The following C7orf33 variants were observed in gnomAD, a reference collection of about 807,000 sequenced individuals.
C7orf33 encodes the protein uncharacterized protein C7orf33.
Under a neutral mutation model 13.4 loss-of-function variants are expected in C7orf33, and 15 were observed. The observed-to-expected ratio is 1.12, with a 90% CI of 0.75 to 1.72. The LOEUF (loss-of-function observed/expected upper bound fraction) is 1.72, where lower values mean the gene tolerates loss of function less well. Ranked by LOEUF, C7orf33 falls within the 40% of genes most tolerant of loss-of-function variation. The probability of loss-of-function intolerance (pLI) is 0.00; values close to 1 mark genes in which losing one functional copy is unlikely to be tolerated. For missense variants in C7orf33, 187 were observed against 220.3 expected (o/e 0.85, Z 0.96); for synonymous variants, 73 against 83.2 (o/e 0.88, Z 0.67).
intron 1 of C7orf33, among the ~76,000 whole-genome samples, chr7:148,594,032 T>C (rs1395625166): frequency 6.6e-6 from 1 of 151,918 alleles, no homozygotes; most frequent in Admixed American, 6.6e-5. Flanking sequence ...TTTCTTGCTC[T>C]CACTTTTGCT....
intron 1 of C7orf33, among the ~76,000 whole-genome samples, chr7:148,601,135 A>G (rs1253525569): frequency 6.6e-6 from 1 of 151,952 alleles, no homozygotes; most frequent in African/African-American, 2.4e-5. Context: ...CTTTGAGTTC[A>G]TTTGATTTAA....
chr7:148,606,334 A>G lies in C7orf33; in HGVS notation c.205-7708A>G, dbSNP rs542657478. On this transcript the variant is annotated intron_variant, in intron 1 of 2. Transcript: ENST00000307003. ...AAAATCTAGACCACTGTTTCTCAAC[A>G]TTAGAATTTATCAAAATCTGGGATA... is the stretch of plus-strand genomic sequence containing the variant. 2.6e-5 allele frequency among the ~76,000 whole-genome samples: 4 copies of G among 152,346 alleles called. No individual in the cohort carries two copies. In the South Asian group the frequency reaches 6.2e-4, roughly 24 times the overall value.
chr7:148,608,286 TG>T (rs1231924586), intron 1 of C7orf33, among the ~76,000 whole-genome samples: 1 of 150,654 alleles, frequency 6.6e-6, no homozygotes, highest in African/African-American at 2.4e-5. Context: ...AAATATTAGC[TG>T]GGCATGGTGG....
intron 1 of C7orf33, among the ~76,000 whole-genome samples, chr7:148,591,621 C>T (rs1796272767): frequency 6.6e-6 from 1 of 152,110 alleles, no homozygotes; most frequent in Non-Finnish European, 1.5e-5. Flanking sequence ...TGCTCTGTCA[C>T]CCAGGCTGGA....
At chr7:148,591,305 C>T (rs1359041258) in intron 1 of C7orf33, among the ~76,000 whole-genome samples, 176 bp downstream of exon 1, 1 of 152,130 alleles carries the variant, frequency 6.6e-6, no homozygotes, top group Non-Finnish European at 1.5e-5. Context: ...CCAAAGAAGG[C>T]CTGGAATCTT....
In C7orf33 at chr7:148,590,773, G is replaced by A; in HGVS notation, c.-153G>A. ...CTACTCAGCTGTGACCTTACTTATG[G>A]TGATGCCAATCCAGTGGTCAGGAGC... On this transcript the variant is annotated 5_prime_UTR_variant, in exon 1 of 3. In the 5' UTR this introduces an upstream ATG that the reference lacks. Coordinates refer to ENST00000307003, the MANE Select transcript of C7orf33 (RefSeq NM_145304.4). 1 of 720,170 alleles carries A rather than the reference G, an allele frequency of 1.4e-6. No individual in the cohort carries two copies. The allele number at this position is 720,170 out of a possible 1,614,324, so 44.6% of individuals were successfully genotyped here.
intron 1 of C7orf33, among the ~76,000 whole-genome samples, chr7:148,605,631 G>A (rs972110457): frequency 7.9e-5 from 12 of 152,024 alleles, no homozygotes; most frequent in African/African-American, 2.4e-4. Flanking sequence ...GACCTCATAC[G>A]GCCCATCTCA....
rs759091779 is a variant in C7orf33, at chr7:148,615,351, C to T, written c.484C>T (p.Leu162Phe). The T allele has an allele frequency of 1.2e-6, 2 of 1,613,420 alleles. No individual in the cohort carries two copies. The highest frequency in any genetic ancestry group is 1.7e-6 in the Non-Finnish European group (2 of 1,179,388). The change falls in exon 3 of 3, where the codon CTC becomes TTC. Residue 162 changes from leucine to phenylalanine, a missense_variant. By Grantham distance (22) the Leu-to-Phe change is conservative. Coordinates refer to ENST00000307003, the MANE Select transcript of C7orf33 (RefSeq NM_145304.4). The stretch of plus-strand genomic sequence containing the variant: ...GGTACGTGGGCATGAAGTAAGAAAG[C>T]TCCAGAATTCTGTTGAGGCCACAAG... The part of the protein sequence containing the change: ...LNVRGHEVRK[L>F]QNSVEATRIS...
intron 1 of C7orf33, among the ~76,000 whole-genome samples, chr7:148,596,389 T>C (rs1796339979): frequency 6.6e-6 from 1 of 152,208 alleles, no homozygotes; most frequent in South Asian, 2.1e-4. Flanking sequence ...TCTCATTCAC[T>C]GCTGTATTAG....
intron 1 of C7orf33, among the ~76,000 whole-genome samples, chr7:148,608,456 C>A (rs927409968): frequency 6.6e-6 from 1 of 151,168 alleles, no homozygotes; most frequent in African/African-American, 2.4e-5. Context: ...TAATAAGTCC[C>A]CTCCCCTTGC....
At chr7:148,597,329 T>C (rs1305008708) in intron 1 of C7orf33, among the ~76,000 whole-genome samples, 1 of 152,158 alleles carries the variant, frequency 6.6e-6, no homozygotes, top group African/African-American at 2.4e-5. Context: ...TCACCAAGGC[T>C]GCAGTTCAAT....
chr7:148,606,788 C>T (rs1183624932), intron 1 of C7orf33, among the ~76,000 whole-genome samples: 3 of 152,066 alleles, frequency 2.0e-5, no homozygotes, highest in African/African-American at 2.4e-5. Flanking sequence ...GATTTCGTCA[C>T]GTTGGCCAGG....
At chr7:148,612,457 T>C (rs1489388816) in intron 1 of C7orf33, among the ~76,000 whole-genome samples, 1 of 152,152 alleles carries the variant, frequency 6.6e-6, no homozygotes, top group Non-Finnish European at 1.5e-5. Flanking sequence ...ATCGACAAAG[T>C]GTAAAGCAAC....
At chr7:148,604,959 C>T (rs746708181) in intron 1 of C7orf33, among the ~76,000 whole-genome samples, 11 of 152,186 alleles carry the variant, frequency 7.2e-5, no homozygotes, top group Non-Finnish European at 1.3e-4. Context: ...AGGCTGAACA[C>T]GGTGGCTCAC....
At chr7:148,593,715 C>T (rs975180652) in intron 1 of C7orf33, among the ~76,000 whole-genome samples, 2 of 152,026 alleles carry the variant, frequency 1.3e-5, no homozygotes, top group Admixed American at 6.6e-5. Flanking sequence ...AAGCCAGGGT[C>T]GGGGGATACA....
At chr7:148,599,056 T>A (rs1008790080) in intron 1 of C7orf33, among the ~76,000 whole-genome samples, 4 of 151,644 alleles carry the variant, frequency 2.6e-5, no homozygotes, top group Non-Finnish European at 4.4e-5. Flanking sequence ...AGAGATGGGG[T>A]TTCACCATGT....
At chr7:148,610,824 C>G (rs1455763760) in intron 1 of C7orf33, among the ~76,000 whole-genome samples, 1 of 152,142 alleles carries the variant, frequency 6.6e-6, no homozygotes, top group Non-Finnish European at 1.5e-5. Context: ...GTGTAAATTG[C>G]TCCCCCACCA....
chr7:148,606,933 T>TACACACAC (rs112000703), intron 1 of C7orf33, among the ~76,000 whole-genome samples: 7,168 of 139,244 alleles, frequency 0.051, 242 homozygotes, highest in African/African-American at 0.08. Context: ...AAAAAAAAAA[T>TACACACAC]ACACACACAC....
intron 1 of C7orf33, among the ~76,000 whole-genome samples, chr7:148,604,321 T>G (rs1796449791): frequency 6.6e-6 from 1 of 151,902 alleles, no homozygotes; most frequent in Non-Finnish European, 1.5e-5. Flanking sequence ...GAGAGAGAGT[T>G]TCACCATGTC....
Sources: allele counts gnomAD v4.1 joint callset (sites outside exome capture counted in the v4.1 genomes callset), GRCh38; gene constraint gnomAD v4.1.1; transcripts MANE v1.5; gene names NCBI Gene and HGNC (gene_info 2026-07-23, HGNC 2026-07-21).